Variants in PTRH1 observed in about 807,000 individuals in gnomAD.
PTRH1 encodes the protein peptidyl-tRNA hydrolase.
Under a neutral mutation model 15.7 loss-of-function variants are expected in PTRH1, and 13 were observed. The observed-to-expected ratio is 0.83, with a 90% CI of 0.54 to 1.31. PTRH1 has a LOEUF of 1.31. Among genes scored for constraint, PTRH1 ranks in the 40% most tolerant of loss-of-function variants. The probability of loss-of-function intolerance (pLI) is 0.00; values close to 1 mark genes in which losing one functional copy is unlikely to be tolerated. For synonymous variants in PTRH1, 139 were observed against 136.7 expected, an observed-to-expected ratio of 1.02 and a Z score of -0.12; for missense variants, 319 against 296.2, an observed-to-expected ratio of 1.08 and a Z score of -0.56.
chr9:127,712,552 G>A (rs928002816), downstream of PTRH1: 8 of 1,529,292 alleles, frequency 5.2e-6, no homozygotes, highest in African/African-American at 9.6e-5. Flanking sequence ...CTGAGGCTCT[G>A]AAAGGTCTTG....
intron 1 of PTRH1, among the ~76,000 whole-genome samples, chr9:127,707,533 G>A (rs554808293): frequency 2.0e-5 from 3 of 152,130 alleles, no homozygotes; most frequent in Non-Finnish European, 4.4e-5. Context: ...CCTCTGGCAG[G>A]CGGGTGGACC....
At chr9:127,707,257 A>T (rs1395252361) in intron 1 of PTRH1, 1 of 1,566,924 alleles carries the variant, frequency 6.4e-7, no homozygotes, top group African/African-American at 1.4e-5. Context: ...GGTGGCCCCC[A>T]TGCAGGTTTG....
At chr9:127,695,036 C>T in exon 2 of PTRH1, 1 of 701,678 alleles carries the variant, frequency 1.4e-6, no homozygotes, top group Admixed American at 2.0e-5. Context: ...CCAGGAAGCA[C>T]AGTGAGGGCT....
downstream of PTRH1, chr9:127,711,297 G>A (rs372842853): frequency 1.9e-5 from 30 of 1,614,062 alleles, no homozygotes; most frequent in Non-Finnish European, 2.1e-5. Context: ...ACCACGAACC[G>A]GATGTGGGAG....
intron 1 of PTRH1, among the ~76,000 whole-genome samples, chr9:127,702,951 C>T (rs1466188712): frequency 1.3e-5 from 2 of 150,860 alleles, no homozygotes; most frequent in Non-Finnish European, 1.5e-5. Context: ...GAGCTCCTGA[C>T]CTCAGGTGAT....
rs1419730373 is a variant in PTRH1 at position 127,714,437 on chromosome 9, T to C, written c.417-13A>G. 1.9e-6 allele frequency: 3 copies of C among 1,614,114 alleles called. No homozygotes were observed. Among genetic ancestry groups the C allele is most frequent in the South Asian group, 2.2e-5 (2 of 91,088 alleles). On this transcript the variant is annotated splice_polypyrimidine_tract_variant and intron_variant, in intron 3 of 4. Transcript: ENST00000543175. ...TCCATTGTGGCCCCTTCAAGGGATATGGGAGGGGCAGTTAGTGCCTCCCTG... is the reference window on the plus strand; with the variant it reads ...TCCATTGTGGCCCCTTCAAGGGATACGGGAGGGGCAGTTAGTGCCTCCCTG...
In PTRH1 at chr9:127,715,450, A is replaced by C. The variant is rs747927224; in HGVS notation, c.96+94T>G. On this transcript the variant is annotated intron_variant, in intron 1 of 4. Coordinates refer to ENST00000543175, the MANE Select transcript of PTRH1 (RefSeq NM_001002913.3). This position sits in a 1 kb window ranked among gnomAD's most constrained non-coding sequence, Gnocchi z 5.8. ...CTGAACTCACCAGTTAAGAAAACAGAGCAGCAATTTGGGGGCACTCGGCTC... is the reference window on the plus strand; with the variant it reads ...CTGAACTCACCAGTTAAGAAAACAGCGCAGCAATTTGGGGGCACTCGGCTC... The C allele has an allele frequency of 5.2e-6, 8 of 1,546,618 alleles. No homozygotes were observed. The East Asian group carries it at 1.4e-4, about 27-fold the overall frequency.
intron 1 of PTRH1, among the ~76,000 whole-genome samples, chr9:127,700,896 G>T (rs1013520226): frequency 3.9e-5 from 6 of 152,218 alleles, no homozygotes; most frequent in African/African-American, 1.2e-4. Flanking sequence ...AGAAGACTAT[G>T]AACTGGCTCT....
At chr9:127,694,744 G>C (rs1433620532) in intron 2 of PTRH1, among the ~76,000 whole-genome samples, 1 of 152,108 alleles carries the variant, frequency 6.6e-6, no homozygotes, top group Non-Finnish European at 1.5e-5. Flanking sequence ...GCAGCTCACA[G>C]ACCTGGCTTT....
intron 1 of PTRH1, among the ~76,000 whole-genome samples, chr9:127,706,539 G>A (rs1018776351): frequency 6.6e-6 from 1 of 152,164 alleles, no homozygotes; most frequent in African/African-American, 2.4e-5. Context: ...TGAGATTGGG[G>A]CTGGGGATGG....
chr9:127,695,077 ATGATGATGATGATGATGG>A (rs1564361219), exon 2 of PTRH1: 1 of 702,376 alleles, frequency 1.4e-6, no homozygotes, highest in African/African-American at 1.7e-5. Flanking sequence ...GATGATGATG[ATGATGATGATGATGATGG>A]TGATGATGAT....
downstream of PTRH1, chr9:127,709,353 G>C: frequency 6.6e-7 from 1 of 1,523,326 alleles, no homozygotes; most frequent in Non-Finnish European, 8.9e-7. The surrounding 1 kb of genome is among the most constrained non-coding windows in gnomAD (Gnocchi z 4.7). Context: ...CAGGAGAGTG[G>C]GCCCAGCTGC....
chr9:127,715,457 A>G lies in PTRH1; in HGVS notation c.96+87T>C. 6.4e-7 allele frequency: 1 copy of G among 1,573,344 alleles called. No homozygotes were observed. Among genetic ancestry groups the G allele is most frequent in the African/African-American group, 1.3e-5 (1 of 74,074 alleles). On this transcript the variant is annotated intron_variant, in intron 1 of 4. Coordinates refer to ENST00000543175, the MANE Select transcript of PTRH1 (RefSeq NM_001002913.3). This position sits in a 1 kb window ranked among gnomAD's most constrained non-coding sequence, Gnocchi z 5.8. The stretch of plus-strand genomic sequence containing the variant: ...CACCAGTTAAGAAAACAGAGCAGCA[A>G]TTTGGGGGCACTCGGCTCCCGGGAC...
At chr9:127,709,713 G>C, downstream of PTRH1, 1 of 1,606,846 alleles carries the variant, frequency 6.2e-7, no homozygotes, top group Non-Finnish European at 8.5e-7. The surrounding 1 kb of genome is among the most constrained non-coding windows in gnomAD (Gnocchi z 4.7). Context: ...GGACTGGCTG[G>C]TGAGCCTGCA....
At chr9:127,702,170 A>G (rs886601746) in intron 1 of PTRH1, among the ~76,000 whole-genome samples, 2 of 152,074 alleles carry the variant, frequency 1.3e-5, no homozygotes, top group Non-Finnish European at 2.9e-5. Flanking sequence ...TCAGGAGATC[A>G]AGACCATCCT....
chr9:127,698,220 C>T (rs573760182), intron 1 of PTRH1, among the ~76,000 whole-genome samples: 1 of 152,196 alleles, frequency 6.6e-6, no homozygotes, highest in East Asian at 1.9e-4. Flanking sequence ...CACAGCAAGA[C>T]CCCGAATCTA....
downstream of PTRH1, chr9:127,711,463 G>A (rs1406213691): frequency 1.2e-6 from 2 of 1,613,846 alleles, no homozygotes; most frequent in Non-Finnish European, 1.7e-6. Flanking sequence ...ACACCCAGAA[G>A]GTCATGGCCA....
downstream of PTRH1, chr9:127,710,683 G>A: frequency 1.3e-6 from 2 of 1,578,534 alleles, no homozygotes; most frequent in South Asian, 1.2e-5. Flanking sequence ...AGGAGCAGGT[G>A]CGGAAGCAGG....
chr9:127,711,213 C>T, downstream of PTRH1: 1 of 1,611,638 alleles, frequency 6.2e-7, no homozygotes, highest in South Asian at 1.1e-5. Context: ...CCTTCCCCTC[C>T]CACCTTTCTG....
Sources: allele counts gnomAD v4.1 joint callset (sites outside exome capture counted in the v4.1 genomes callset), GRCh38; gene constraint gnomAD v4.1.1; non-coding constraint Gnocchi (gnomAD v3.1); transcripts MANE v1.5; gene names NCBI Gene and HGNC (gene_info 2026-07-23, HGNC 2026-07-21).